NTNG1: variants seen among roughly 807,000 people sequenced by gnomAD.
NTNG1 encodes netrin-G1.
In NTNG1, 16 loss-of-function variants were observed where a neutral mutation model predicts 54.0. The ratio of observed to expected loss-of-function variants is 0.30; its 90% confidence interval spans 0.20 to 0.45. NTNG1 has a LOEUF of 0.45. Ranked by LOEUF, NTNG1 falls within the 20% of genes least tolerant of loss-of-function variation. The probability of loss-of-function intolerance (pLI) is 1.00; values close to 1 mark genes in which losing one functional copy is unlikely to be tolerated. For synonymous variants in NTNG1, 255 were observed against 263.1 expected, an observed-to-expected ratio of 0.97 and a Z score of 0.30; for missense variants, 530 against 678.7, an observed-to-expected ratio of 0.78 and a Z score of 2.43.
chr1:107,377,088 C>G (rs1671329510), intron 3 of NTNG1, among the ~76,000 whole-genome samples: 2 of 152,176 alleles, frequency 1.3e-5, no homozygotes, highest in Admixed American at 1.3e-4. Flanking sequence ...TTACATGGGG[C>G]CAGTTGAGCT....
Position 107,148,608 on chromosome 1 carries a change from A to G in NTNG1, c.15A>G (p.Arg5=). The G allele has an allele frequency of 6.2e-7, 1 of 1,613,362 alleles. No homozygotes were observed. The highest frequency in any genetic ancestry group is 8.5e-7 in the Non-Finnish European group (1 of 1,179,398). MYLS[R]FLSIHALWVT... ...AGAATTTAGAGATGTATTTGTCAAG[A>G]TTCCTGTCGATTCATGCCCTTTGGG... is the stretch of plus-strand genomic sequence containing the variant. Residue 5 remains arginine, a synonymous_variant, in exon 2 of 8, where the codon AGA becomes AGG. Coordinates refer to ENST00000370068, the MANE Select transcript of NTNG1 (RefSeq NM_001113226.3).
chr1:107,402,088 A>T (rs904893840), intron 4 of NTNG1, among the ~76,000 whole-genome samples: 1 of 152,166 alleles, frequency 6.6e-6, no homozygotes, highest in African/African-American at 2.4e-5. Context: ...ATTGTGGCCA[A>T]CTGCCTGTCT....
At chr1:107,469,676 A>AAG (rs375590565) in intron 7 of NTNG1, among the ~76,000 whole-genome samples, 1 of 151,578 alleles carries the variant, frequency 6.6e-6, no homozygotes, top group East Asian at 1.9e-4. Context: ...CTGGTCTTGA[A>AAG]CTCCTGAGCT....
chr1:107,296,453 T>C (rs2101784796), intron 2 of NTNG1, among the ~76,000 whole-genome samples: 1 of 151,948 alleles, frequency 6.6e-6, no homozygotes, highest in South Asian at 2.1e-4. Context: ...CAGTTTTTAA[T>C]CACTAAGAGA....
intron 3 of NTNG1, among the ~76,000 whole-genome samples, chr1:107,392,800 G>A (rs992132543): frequency 2.0e-5 from 3 of 152,114 alleles, no homozygotes; most frequent in Non-Finnish European, 4.4e-5. Context: ...CTTGTGCAAT[G>A]AGTGAGAAAA....
At chr1:107,355,260 T>C (rs1225914681) in intron 3 of NTNG1, among the ~76,000 whole-genome samples, 2 of 151,912 alleles carry the variant, frequency 1.3e-5, no homozygotes, top group Admixed American at 6.5e-5. Flanking sequence ...TAGTCTTTTT[T>C]TTTTTAACTT....
chr1:107,162,920 T>C lies in NTNG1; in HGVS notation c.246+14081T>C, dbSNP rs187030642. 1.6e-4 allele frequency among the ~76,000 whole-genome samples: 25 copies of C among 152,276 alleles called. No individual in the cohort carries two copies. The East Asian group carries it at 4.6e-3, about 28-fold the overall frequency. On this transcript the variant is annotated intron_variant, in intron 2 of 7. Coordinates refer to ENST00000370068, the MANE Select transcript of NTNG1 (RefSeq NM_001113226.3). ...TCACTGGAATAACTTGTCTCCTAGA[T>C]TAAAACCTGAGGGTGATGTGTAACT...
intron 4 of NTNG1, among the ~76,000 whole-genome samples, chr1:107,400,626 G>A (rs1285632438): frequency 6.6e-6 from 1 of 151,126 alleles, no homozygotes; most frequent in African/African-American, 2.4e-5. Context: ...TTTATTCTTG[G>A]TCTTCATCAA....
At chr1:107,416,110 A>G (rs977112330) in intron 5 of NTNG1, among the ~76,000 whole-genome samples, 2 of 152,136 alleles carry the variant, frequency 1.3e-5, no homozygotes, top group Admixed American at 6.6e-5. Context: ...TCGGTAACAC[A>G]CTATAGGAGT....
intron 4 of NTNG1, among the ~76,000 whole-genome samples, chr1:107,401,467 C>T (rs1219942639): frequency 6.6e-6 from 1 of 152,092 alleles, no homozygotes; most frequent in Non-Finnish European, 1.5e-5. Flanking sequence ...ATACAGTGCA[C>T]ATATATTACA....
intron 2 of NTNG1, among the ~76,000 whole-genome samples, chr1:107,229,271 T>C (rs1660895959): frequency 1.3e-5 from 2 of 150,626 alleles, no homozygotes; most frequent in Non-Finnish European, 3.0e-5. Flanking sequence ...TGATCCAGCA[T>C]TGGCCTTCTC....
chr1:107,187,858 C>G (rs567091860), intron 2 of NTNG1, among the ~76,000 whole-genome samples: 1 of 151,996 alleles, frequency 6.6e-6, no homozygotes, highest in African/African-American at 2.4e-5. Flanking sequence ...GAGATTGGAG[C>G]AGGAAGGAGT....
rs538210621 is a variant in NTNG1 at position 107,448,302 on chromosome 1, G to C, written c.1390+11503G>C. On this transcript the variant is annotated intron_variant, in intron 7 of 7. Coordinates refer to ENST00000370068, the MANE Select transcript of NTNG1 (RefSeq NM_001113226.3). ...TAATTATATGCTTGTCATGTACCAGGCACTATGCCAAGCCATTTATAGTCT... is the reference window on the plus strand; with the variant it reads ...TAATTATATGCTTGTCATGTACCAGCCACTATGCCAAGCCATTTATAGTCT... Among the ~76,000 whole-genome samples the C allele has an allele frequency of 4.6e-5, 7 of 152,100 alleles. No homozygotes were observed. The East Asian group carries it at 1.4e-3, about 29-fold the overall frequency.
chr1:107,203,613 G>A (rs1658933912), intron 2 of NTNG1, among the ~76,000 whole-genome samples: 1 of 150,484 alleles, frequency 6.6e-6, no homozygotes. Flanking sequence ...CATATATATA[G>A]CTATTCTTCA....
At chr1:107,145,743 C>A (rs1654058219) in intron 1 of NTNG1, among the ~76,000 whole-genome samples, 1 of 152,072 alleles carries the variant, frequency 6.6e-6, no homozygotes, top group Admixed American at 6.5e-5. Flanking sequence ...TTGCACAGTC[C>A]TGCAACTGCC....
intron 6 of NTNG1, among the ~76,000 whole-genome samples, chr1:107,432,372 G>A: frequency 6.6e-6 from 1 of 152,174 alleles, no homozygotes; most frequent in East Asian, 1.9e-4. Context: ...AAATCTTACA[G>A]CAAAGGGTTT....
At chr1:107,189,849 G>T (rs1260960837) in intron 2 of NTNG1, among the ~76,000 whole-genome samples, 2 of 150,444 alleles carry the variant, frequency 1.3e-5, no homozygotes, top group African/African-American at 4.9e-5. Context: ...GGCCTTACTG[G>T]ATCAGGTATT....
At chr1:107,196,010 A>G (rs1658292876) in intron 2 of NTNG1, among the ~76,000 whole-genome samples, 1 of 151,840 alleles carries the variant, frequency 6.6e-6, no homozygotes, top group South Asian at 2.1e-4. Flanking sequence ...CTCATGGAGG[A>G]TGGGAATTTT....
intron 2 of NTNG1, among the ~76,000 whole-genome samples, chr1:107,272,568 G>T (rs548386904): frequency 6.6e-6 from 1 of 152,200 alleles, no homozygotes; most frequent in East Asian, 1.9e-4. Context: ...CTCTTGGGAA[G>T]GTTATTTATG....
Sources: allele counts gnomAD v4.1 joint callset (sites outside exome capture counted in the v4.1 genomes callset), GRCh38; gene constraint gnomAD v4.1.1; transcripts MANE v1.5; gene names NCBI Gene and HGNC (gene_info 2026-07-23, HGNC 2026-07-21).